The following TSN variants were observed in gnomAD, a reference collection of about 807,000 sequenced individuals.
TSN encodes the protein component 3 of promoter of RISC.
In TSN, 5 loss-of-function variants were observed where a neutral mutation model predicts 29.4. That is an observed-to-expected ratio of 0.17 (90% CI 0.09 to 0.36). TSN has a LOEUF of 0.36. Among genes scored for constraint, TSN ranks in the 10% least tolerant of loss-of-function variants. The probability of loss-of-function intolerance (pLI) is 1.00; values close to 1 mark genes in which losing one functional copy is unlikely to be tolerated. For synonymous variants in TSN, 106 were observed against 102.2 expected, an observed-to-expected ratio of 1.04 and a Z score of -0.23; for missense variants, 159 against 272.8, an observed-to-expected ratio of 0.58 and a Z score of 2.94.
rs146782481 is a variant in TSN at position 121,760,312 on chromosome 2, C to T, written c.258-1097C>T. ...GGAACAGTTTCATCCTGAAACCATCCGCCCCCCTTCTGTGGAAAAATTGTC... is the reference window on the plus strand; with the variant it reads ...GGAACAGTTTCATCCTGAAACCATCTGCCCCCCTTCTGTGGAAAAATTGTC... On this transcript the variant is annotated intron_variant, in intron 3 of 5. Coordinates refer to ENST00000389682, the MANE Select transcript of TSN (RefSeq NM_004622.3). Among the ~76,000 whole-genome samples the T allele has an allele frequency of 1.9e-3, 295 of 152,290 alleles. 1 individual carries two copies. Among genetic ancestry groups the T allele is most frequent in the African/African-American group, 5.5e-3 (228 of 41,574 alleles).
In TSN at chr2:121,765,560, A is replaced by T. The variant is rs968890908; in HGVS notation, c.*193A>T. 1 of 593,246 alleles carries T rather than the reference A, an allele frequency of 1.7e-6. No individual in the cohort carries two copies. The highest frequency in any genetic ancestry group is 2.1e-5 in the South Asian group (1 of 46,876). 36.7% of individuals were successfully genotyped at this position (593,246 alleles called of 1,614,324 possible). On this transcript the variant is annotated 3_prime_UTR_variant, in exon 6 of 6. Coordinates refer to ENST00000389682, the MANE Select transcript of TSN (RefSeq NM_004622.3). ...AAAATATAGCCTTTACATGGACAGA[A>T]TTTTTTTTGTTGTTTCAGTGAATAT...
chr2:121,763,585 G>C (rs1558692861), intron 5 of TSN, among the ~76,000 whole-genome samples: 1 of 152,202 alleles, frequency 6.6e-6, no homozygotes, highest in Non-Finnish European at 1.5e-5. Context: ...CAGATCAAAT[G>C]ATGAGTGCAT....
intron 5 of TSN, among the ~76,000 whole-genome samples, chr2:121,764,480 A>C (rs1340050619): frequency 1.3e-5 from 2 of 152,132 alleles, no homozygotes; most frequent in Non-Finnish European, 2.9e-5. Context: ...CCGTATGTTG[A>C]CAGTGCACTA....
chr2:121,755,685 G>T lies in TSN; in HGVS notation c.-95G>T, dbSNP rs549689240. ...GTAAGACCGGGGGGACGCGGCGGTA[G>T]CGGCGGCCGTTGCGATTGATTGCGC... On this transcript the variant is annotated 5_prime_UTR_variant, in exon 1 of 6. Coordinates refer to ENST00000389682, the MANE Select transcript of TSN (RefSeq NM_004622.3). 6.6e-6 allele frequency: 10 copies of T among 1,522,886 alleles called. No individual in the cohort carries two copies. Among genetic ancestry groups the T allele is most frequent in the Non-Finnish European group, 8.1e-6 (9 of 1,114,502 alleles). The allele number at this position is 1,522,886 out of a possible 1,614,324, so 94.3% of individuals were successfully genotyped here.
rs1394848008 is a variant in TSN at position 121,766,593 on chromosome 2, G to A, written c.*1226G>A. ...GCAAGTCATGTAAATACTGTTGGTG[G>A]TCTTCCCCACACGCCCCAATTTTCA... On this transcript the variant is annotated 3_prime_UTR_variant, in exon 6 of 6. Coordinates refer to ENST00000389682, the MANE Select transcript of TSN (RefSeq NM_004622.3). 1 of 152,130 alleles carries A rather than the reference G, an allele frequency of 6.6e-6. No individual in the cohort carries two copies. Among genetic ancestry groups the A allele is most frequent in the African/African-American group, 2.4e-5 (1 of 41,436 alleles). 9.4% of individuals were successfully genotyped at this position (152,130 alleles called of 1,614,324 possible). A position where few individuals can be genotyped will look rare whatever the true frequency, so the allele number is the denominator to read the frequency against.
chr2:121,756,675 C>T, intron 1 of TSN: 1 of 1,282,158 alleles, frequency 7.8e-7, no homozygotes, highest in Non-Finnish European at 1.0e-6. Context: ...GAGGCCGAGG[C>T]GGCCAGATCA....
intron 1 of TSN, chr2:121,756,609 A>C (rs2074752418): frequency 8.5e-6 from 11 of 1,298,910 alleles, no homozygotes; most frequent in Non-Finnish European, 1.0e-5. Context: ...TGAATATTTT[A>C]AAAATGAATT....
rs147938037 is a variant in TSN, at chr2:121,764,421, A to C, written c.454-713A>C. Among the ~76,000 whole-genome samples, 589 of 152,270 alleles carry C rather than the reference A, an allele frequency of 3.9e-3. 4 individuals carry two copies. Among genetic ancestry groups the C allele is most frequent in the African/African-American group, 0.013 (556 of 41,526 alleles). On this transcript the variant is annotated intron_variant, in intron 5 of 5. Transcript: ENST00000389682. ...GGAGTTCCACACCAGCCTAAGCAACAAAGCAAGACCCCTTCTCTATATTAA... is the reference window on the plus strand; with the variant it reads ...GGAGTTCCACACCAGCCTAAGCAACCAAGCAAGACCCCTTCTCTATATTAA...
chr2:121,756,200 C>T (rs561643655), intron 1 of TSN: 10 of 311,518 alleles, frequency 3.2e-5, no homozygotes, highest in South Asian at 1.8e-4. Context: ...GCTTAAAACT[C>T]TCCTGTGATT....
chr2:121,761,729 G>A (rs1405236874), intron 4 of TSN, among the ~76,000 whole-genome samples: 3 of 152,138 alleles, frequency 2.0e-5, no homozygotes, highest in African/African-American at 7.2e-5. Context: ...TATAACTGGT[G>A]TAGTATTTGC....
At position 121,755,705 on chromosome 2, in the gene TSN, T is replaced by A; in HGVS notation, c.-75T>A. On this transcript the variant is annotated 5_prime_UTR_variant, in exon 1 of 6. It adds an upstream start codon to the 5' untranslated region. Coordinates refer to ENST00000389682, the MANE Select transcript of TSN (RefSeq NM_004622.3). ...CGGTAGCGGCGGCCGTTGCGATTGATTGCGCTGGTTGCCTGCGGCGTCCAC... is the reference window on the plus strand; with the variant it reads ...CGGTAGCGGCGGCCGTTGCGATTGAATGCGCTGGTTGCCTGCGGCGTCCAC... 3.2e-6 allele frequency: 5 copies of A among 1,586,290 alleles called. No individual in the cohort carries two copies. The highest frequency in any genetic ancestry group is 4.3e-6 in the Non-Finnish European group (5 of 1,164,352).
At chr2:121,758,111 T>G (rs2074774889) in intron 2 of TSN, among the ~76,000 whole-genome samples, 1 of 152,208 alleles carries the variant, frequency 6.6e-6, no homozygotes, top group African/African-American at 2.4e-5. Flanking sequence ...AATATGAGAT[T>G]AACAGTATAA....
intron 4 of TSN, among the ~76,000 whole-genome samples, chr2:121,762,465 A>G (rs1185985340): frequency 6.6e-6 from 1 of 152,222 alleles, no homozygotes; most frequent in Non-Finnish European, 1.5e-5. Flanking sequence ...TGGTTAGCGC[A>G]GAGGGCCGAC....
At chr2:121,762,498 A>G (rs2074846926) in intron 4 of TSN, among the ~76,000 whole-genome samples, 4 of 152,230 alleles carry the variant, frequency 2.6e-5, no homozygotes, top group Admixed American at 2.6e-4. Flanking sequence ...TGTAAAAGCT[A>G]AAAATAACAA....
intron 4 of TSN, among the ~76,000 whole-genome samples, chr2:121,762,307 T>C (rs905535371): frequency 1.3e-5 from 2 of 152,184 alleles, no homozygotes; most frequent in African/African-American, 4.8e-5. Flanking sequence ...TTTGTATTTT[T>C]TTAGTAGAAA....
At position 121,764,690 on chromosome 2, in the gene TSN, C is replaced by G. The variant is rs73950819; in HGVS notation, c.454-444C>G. Among the ~76,000 whole-genome samples, 224 of 151,282 alleles carry G rather than the reference C, an allele frequency of 1.5e-3. 1 individual carries two copies. The highest frequency in any genetic ancestry group is 4.9e-3 in the African/African-American group (202 of 41,222). The stretch of plus-strand genomic sequence containing the variant: ...GGTTACACTAACATAATTTTAGATT[C>G]TTATCCCAAGTCTGCCTTACTTGAT... On this transcript the variant is annotated intron_variant, in intron 5 of 5. Transcript: ENST00000389682.
rs756127160 is a variant in TSN at position 121,765,294 on chromosome 2, T to C, written c.614T>C (p.Val205Ala). 2.5e-6 allele frequency: 4 copies of C among 1,614,162 alleles called. No homozygotes were observed. In the Admixed American group the frequency reaches 5.0e-5, roughly 20 times the overall value. ...YDGLKYDVKK[V>A]EEVVYDLSIR... ...GGATTGAAATATGACGTGAAGAAAGTAGAGGAAGTGGTCTATGATCTCTCC... is the reference window on the plus strand; with the variant it reads ...GGATTGAAATATGACGTGAAGAAAGCAGAGGAAGTGGTCTATGATCTCTCC... Residue 205 changes from valine (V) to alanine (A), a missense_variant, in exon 6 of 6, where the codon GTA (valine) becomes GCA (alanine). By Grantham distance (64) the Val-to-Ala change is moderately conservative. This residue lies in a region of TSN where 85 missense variants were observed against 178.1 expected (regional missense o/e 0.48). Coordinates refer to ENST00000389682, the MANE Select transcript of TSN (RefSeq NM_004622.3).
chr2:121,758,842 AGT>A (rs1450509771), intron 3 of TSN, 36 bp downstream of exon 3: 1 of 1,394,118 alleles, frequency 7.2e-7, no homozygotes, highest in Non-Finnish European at 9.6e-7. Flanking sequence ...TATAATGTTA[AGT>A]AAAAAAAAGG....
In TSN at chr2:121,759,152, A is replaced by G. The variant is rs1265240015; in HGVS notation, c.257+346A>G. Among the ~76,000 whole-genome samples the G allele has an allele frequency of 6.6e-5, 10 of 152,356 alleles. No homozygotes were observed. The East Asian group carries it at 1.9e-3, about 29-fold the overall frequency. ...AAATAATGAGATTAGGTGGCAGTATATATATGGAGTCGAGTTTTACTTTGA... is the reference window on the plus strand; with the variant it reads ...AAATAATGAGATTAGGTGGCAGTATGTATATGGAGTCGAGTTTTACTTTGA... On this transcript the variant is annotated intron_variant, in intron 3 of 5. Transcript: ENST00000389682.
Sources: allele counts gnomAD v4.1 joint callset (sites outside exome capture counted in the v4.1 genomes callset), GRCh38; gene constraint gnomAD v4.1.1; regional missense constraint gnomAD v4.1.1; transcripts MANE v1.5; gene names NCBI Gene and HGNC (gene_info 2026-07-23, HGNC 2026-07-21).